OR2M3: variants seen among roughly 807,000 people sequenced by gnomAD.
OR2M3 encodes the protein olfactory receptor 2M3.
Under a neutral mutation model 4.3 loss-of-function variants are expected in OR2M3, and 1 was observed. That is an observed-to-expected ratio of 0.23 (90% CI 0.08 to 1.11). The LOEUF is 1.11. OR2M3 is among the 50% of genes most tolerant of loss of function. The pLI is 0.54. For synonymous variants in OR2M3, 151 were observed against 139.4 expected, an observed-to-expected ratio of 1.08 and a Z score of -0.59; for missense variants, 410 against 390.4, an observed-to-expected ratio of 1.05 and a Z score of -0.42.
chr1:248,201,115 A>G (rs1024948836), intron 1 of OR2M3, among the ~76,000 whole-genome samples: 1 of 152,184 alleles, frequency 6.6e-6, no homozygotes, highest in Non-Finnish European at 1.5e-5. Context: ...TCATACATTT[A>G]TAATTATCTC....
chr1:248,203,010 A>G, intron 1 of OR2M3, 40 bp from the exon 2 acceptor site: 2 of 1,536,176 alleles, frequency 1.3e-6, no homozygotes, highest in Non-Finnish European at 1.8e-6. Context: ...GGCACTGAGT[A>G]AAGTTTTACC....
Position 248,209,423 on chromosome 1 carries a change from T to C in OR2M3, c.*5417T>C, listed in dbSNP as rs1036446797. The C allele has an allele frequency of 7.2e-5, 11 of 152,154 alleles. 1 individual carries two copies. The highest frequency in any genetic ancestry group is 2.9e-5 in the Non-Finnish European group (2 of 68,044). The allele number at this position is 152,154 out of a possible 1,614,324, so 9.4% of individuals were successfully genotyped here. The stretch of plus-strand genomic sequence containing the variant: ...ATATTACAGAATTTTTTTTTCTGGT[T>C]CCTTCTTATTTGGGTAGACTATGTC... On this transcript the variant is annotated 3_prime_UTR_variant, in exon 2 of 2. Transcript: ENST00000641626.
chr1:248,206,755 G>A lies in OR2M3; in HGVS notation c.*2749G>A, dbSNP rs1022703477. On this transcript the variant is annotated 3_prime_UTR_variant, in exon 2 of 2. Coordinates refer to ENST00000641626, the MANE Select transcript of OR2M3 (RefSeq NM_001004689.2). ...TGCATCTATGTTCATCAGGGATATTGGTCTGTAGTCTGTAGTTTTCTTTTT... is the reference window on the plus strand; with the variant it reads ...TGCATCTATGTTCATCAGGGATATTAGTCTGTAGTCTGTAGTTTTCTTTTT... The A allele has an allele frequency of 6.6e-6, 1 of 151,960 alleles. No homozygotes were observed. The highest frequency in any genetic ancestry group is 1.5e-5 in the Non-Finnish European group (1 of 67,916). The allele number at this position is 151,960 out of a possible 1,614,324, so 9.4% of individuals were successfully genotyped here.
chr1:248,199,384 T>A (rs1267365640), intron 1 of OR2M3, among the ~76,000 whole-genome samples: 1 of 152,160 alleles, frequency 6.6e-6, no homozygotes, highest in Non-Finnish European at 1.5e-5. Flanking sequence ...TATTCTGGTT[T>A]TTTTTGACAG....
chr1:248,198,075 C>A, intron 1 of OR2M3, among the ~76,000 whole-genome samples: 1 of 152,028 alleles, frequency 6.6e-6, no homozygotes, highest in Non-Finnish European at 1.5e-5. Context: ...GACGTTTACA[C>A]CTATTTTTAA....
At chr1:248,198,783 G>C (rs1666125700) in intron 1 of OR2M3, among the ~76,000 whole-genome samples, 1 of 152,106 alleles carries the variant, frequency 6.6e-6, no homozygotes, top group Non-Finnish European at 1.5e-5. Context: ...GCTCAGGCAT[G>C]TGCACAGTAT....
At position 248,203,127 on chromosome 1, in the gene OR2M3, C is replaced by T; in HGVS notation, c.60C>T (p.His20=). 6.2e-7 allele frequency: 1 copy of T among 1,613,906 alleles called. No individual in the cohort carries two copies. The highest frequency in any genetic ancestry group is 8.5e-7 in the Non-Finnish European group (1 of 1,179,914). ...SDFILLGIFN[H]SPTHTFLFFL... is the part of the protein sequence containing the mutation. ...TCATCCTCCTGGGAATCTTCAATCA[C>T]AGCCCCACCCACACCTTCCTCTTCT... is the stretch of plus-strand genomic sequence containing the variant. The change falls in exon 2 of 2, where the codon CAC becomes CAT. Residue 20 remains histidine (H), a synonymous_variant. Coordinates refer to ENST00000641626, the MANE Select transcript of OR2M3 (RefSeq NM_001004689.2).
rs972733752 is a variant in OR2M3, at chr1:248,203,085, G to C, written c.18G>C (p.Ser6=). The part of the protein sequence containing the change: MAREN[S]TFNSDFILLG... The stretch of plus-strand genomic sequence containing the variant: ...TACACATCATGGCAAGGGAGAATTC[G>C]ACCTTCAACTCCGACTTCATCCTCC... Residue 6 remains serine, a synonymous_variant, in exon 2 of 2, where the codon TCG becomes TCC. Transcript: ENST00000641626. The C allele has an allele frequency of 1.4e-5, 23 of 1,613,058 alleles. No individual in the cohort carries two copies. In the African/African-American group the frequency reaches 1.9e-4, roughly 13 times the overall value.
chr1:248,208,567 C>T lies in OR2M3; in HGVS notation c.*4561C>T, dbSNP rs1417060222. The T allele has an allele frequency of 6.6e-6, 1 of 152,080 alleles. No individual in the cohort carries two copies. The highest frequency in any genetic ancestry group is 1.5e-5 in the Non-Finnish European group (1 of 68,004). 9.4% of individuals were successfully genotyped at this position (152,080 alleles called of 1,614,324 possible). A position where few individuals can be genotyped will look rare whatever the true frequency, so the allele number is the denominator to read the frequency against. Reference sequence around the variant, plus strand: ...TTGTCTGAAAAAGATGGTGCCTTTCCTTCATTTCTGAAGCATAGCTTCGCT... The same window carrying T: ...TTGTCTGAAAAAGATGGTGCCTTTCTTTCATTTCTGAAGCATAGCTTCGCT... On this transcript the variant is annotated 3_prime_UTR_variant, in exon 2 of 2. Coordinates refer to ENST00000641626, the MANE Select transcript of OR2M3 (RefSeq NM_001004689.2).
In OR2M3 at chr1:248,211,059, A is replaced by C. The variant is rs1666276944; in HGVS notation, c.*7053A>C. The C allele has an allele frequency of 1.3e-5, 2 of 152,214 alleles. No individual in the cohort carries two copies. Among genetic ancestry groups the C allele is most frequent in the African/African-American group, 4.8e-5 (2 of 41,446 alleles). The allele number at this position is 152,214 out of a possible 1,614,324, so 9.4% of individuals were successfully genotyped here. ...TGTTGAAGTATGCACCAAGGTAGCA[A>C]ACAAATCTTCTTTTCCCAGGGTATA... On this transcript the variant is annotated 3_prime_UTR_variant, in exon 2 of 2. Coordinates refer to ENST00000641626, the MANE Select transcript of OR2M3 (RefSeq NM_001004689.2).
In OR2M3 at chr1:248,205,987, CT is replaced by C. The variant is rs1200233478; in HGVS notation, c.*1983del. ...TTTTCAGCAGTGTTTTGTATTTTTC[CT>C]TGTAGAAGTCTTTCACATCCTTGGT... On this transcript the variant is annotated 3_prime_UTR_variant, in exon 2 of 2. Coordinates refer to ENST00000641626, the MANE Select transcript of OR2M3 (RefSeq NM_001004689.2). 1.3e-5 allele frequency: 2 copies of C among 151,582 alleles called. No homozygotes were observed. The highest frequency in any genetic ancestry group is 1.3e-4 in the Admixed American group (2 of 15,214). 9.4% of individuals were successfully genotyped at this position (151,582 alleles called of 1,614,324 possible).
In OR2M3 at chr1:248,203,487, T is replaced by G. The variant is rs1215343379; in HGVS notation, c.420T>G (p.Ile140Met). ...LRYTNLMSPK[I>M]CGLMTAFSWI... ...ACACCAATCTCATGAGCCCTAAAAT[T>G]TGTGGACTTATGACTGCCTTTTCCT... The change falls in exon 2 of 2, where the codon ATT (isoleucine) becomes ATG (methionine). Residue 140 changes from isoleucine to methionine, a missense_variant. Ile to Met is a conservative substitution (Grantham distance 10). Transcript: ENST00000641626. 1.2e-6 allele frequency: 2 copies of G among 1,613,828 alleles called. No homozygotes were observed. The highest frequency in any genetic ancestry group is 2.2e-5 in the East Asian group (1 of 44,878).
At chr1:248,201,706 T>C (rs1021590606) in intron 1 of OR2M3, among the ~76,000 whole-genome samples, 1 of 152,114 alleles carries the variant, frequency 6.6e-6, no homozygotes, top group Admixed American at 6.6e-5. Flanking sequence ...TTTGGTTTTT[T>C]GTCCTTGCGA....
At chr1:248,200,757 T>C (rs895400060) in intron 1 of OR2M3, among the ~76,000 whole-genome samples, 3 of 152,158 alleles carry the variant, frequency 2.0e-5, no homozygotes, top group African/African-American at 7.2e-5. Context: ...AACATTACTT[T>C]TGAGTATTTT....
chr1:248,199,253 T>C (rs533150172), intron 1 of OR2M3, among the ~76,000 whole-genome samples: 50 of 152,228 alleles, frequency 3.3e-4, no homozygotes, highest in African/African-American at 1.2e-3. Flanking sequence ...ATTATGTGAA[T>C]ACTTTTGATA....
At chr1:248,201,596 T>TC (rs1198229209) in intron 1 of OR2M3, among the ~76,000 whole-genome samples, 15 of 91,736 alleles carry the variant, frequency 1.6e-4, no homozygotes, top group Non-Finnish European at 2.0e-4. Context: ...CCCTCCCCCC[T>TC]CCCCCAACCC....
intron 1 of OR2M3, among the ~76,000 whole-genome samples, chr1:248,200,083 G>A (rs1666140236): frequency 6.6e-6 from 1 of 152,082 alleles, no homozygotes; most frequent in South Asian, 2.1e-4. Flanking sequence ...AGAACACTTT[G>A]CCAACTTAAA....
rs1021427859 is a variant in OR2M3 at position 248,205,958 on chromosome 1, A to T, written c.*1952A>T. Reference sequence around the variant, plus strand: ...TTTCCATTTATTTGTGTTGTCAATGATTTTTTTCAGCAGTGTTTTGTATTT... The same window carrying T: ...TTTCCATTTATTTGTGTTGTCAATGTTTTTTTTCAGCAGTGTTTTGTATTT... On this transcript the variant is annotated 3_prime_UTR_variant, in exon 2 of 2. Coordinates refer to ENST00000641626, the MANE Select transcript of OR2M3 (RefSeq NM_001004689.2). The T allele has an allele frequency of 1.3e-5, 2 of 151,584 alleles. No individual in the cohort carries two copies. Among genetic ancestry groups the T allele is most frequent in the African/African-American group, 2.4e-5 (1 of 41,210 alleles). 9.4% of individuals were successfully genotyped at this position (151,584 alleles called of 1,614,324 possible).
At chr1:248,202,356 T>C (rs1264420926) in intron 1 of OR2M3, among the ~76,000 whole-genome samples, 2 of 152,162 alleles carry the variant, frequency 1.3e-5, no homozygotes, top group African/African-American at 4.8e-5. Context: ...AAACCCACTC[T>C]AATCCAATAT....
Sources: allele counts gnomAD v4.1 joint callset (sites outside exome capture counted in the v4.1 genomes callset), GRCh38; gene constraint gnomAD v4.1.1; transcripts MANE v1.5; gene names NCBI Gene and HGNC (gene_info 2026-07-23, HGNC 2026-07-21).